Variants in SCUBE3 observed in about 807,000 individuals in gnomAD.
The protein encoded by SCUBE3 is signal peptide, CUB and EGF-like domain-containing protein 3.
SCUBE3 carries 33 observed loss-of-function variants against 116.8 expected under a neutral mutation model. The observed-to-expected ratio is 0.28, with a 90% CI of 0.21 to 0.38. The LOEUF is 0.38. Ranked by LOEUF, SCUBE3 falls within the 10% of genes least tolerant of loss-of-function variation. The probability of loss-of-function intolerance (pLI) is 1.00; values close to 1 mark genes in which losing one functional copy is unlikely to be tolerated. For synonymous variants in SCUBE3, 418 were observed against 496.9 expected, an observed-to-expected ratio of 0.84 and a Z score of 2.11; for missense variants, 1,007 against 1,324.8, an observed-to-expected ratio of 0.76 and a Z score of 3.72.
At chr6:35,222,802 C>T (rs1217366818) in intron 1 of SCUBE3, 1 of 152,250 alleles carries the variant, frequency 6.6e-6, no homozygotes, top group Non-Finnish European at 1.5e-5. Context: ...CCTGGTGCTG[C>T]ATTTCCCCAC....
Position 35,243,953 on chromosome 6 carries a change from T to C in SCUBE3, c.2072-10T>C. The C allele has an allele frequency of 6.2e-7, 1 of 1,612,638 alleles. No homozygotes were observed. The highest frequency in any genetic ancestry group is 8.5e-7 in the Non-Finnish European group (1 of 1,179,082). Reference sequence around the variant, plus strand: ...ATCCCCATCAGAGTTGGGCCCTTGATTCATTGCAGGTCAGTGCCCACCTGG... The same window carrying C: ...ATCCCCATCAGAGTTGGGCCCTTGACTCATTGCAGGTCAGTGCCCACCTGG... On this transcript the variant is annotated splice_polypyrimidine_tract_variant and intron_variant, in intron 16 of 21. Transcript: ENST00000274938. This position sits in a 1 kb window ranked among gnomAD's most constrained non-coding sequence, Gnocchi z 6.6.
At chr6:35,236,122 T>C (rs1783759852) in intron 6 of SCUBE3, among the ~76,000 whole-genome samples, 1 of 152,182 alleles carries the variant, frequency 6.6e-6, no homozygotes, top group Admixed American at 6.5e-5. Context: ...TCCTTAGGGT[T>C]GTAATGCTTG....
Position 35,242,750 on chromosome 6 carries a change from G to C in SCUBE3, c.1663G>C (p.Glu555Gln), listed in dbSNP as rs778262745. ...KEVTRLTLEL[E>Q]AEVRAEETTA... ...GGTCACAAGGCTCACCCTGGAACTG[G>C]AGGCAGAGGTCAGAGCCGAAGAAAC... Residue 555 changes from glutamate to glutamine, a missense_variant, in exon 14 of 22, where the codon GAG becomes CAG. Physicochemically the swap from Glu to Gln is conservative, Grantham distance 29. Around this residue, in one of 5 missense-constraint regions of SCUBE3, gnomAD observed 544 missense variants for 638.9 expected, o/e 0.85. Coordinates refer to ENST00000274938, the MANE Select transcript of SCUBE3 (RefSeq NM_152753.4). 1 of 1,614,046 alleles carries C rather than the reference G, an allele frequency of 6.2e-7. No homozygotes were observed.
At position 35,243,188 on chromosome 6, in the gene SCUBE3, C is replaced by T. The variant is rs1784154674; in HGVS notation, c.1861C>T (p.Pro621Ser). The T allele has an allele frequency of 1.2e-6, 2 of 1,614,164 alleles. No homozygotes were observed. The highest frequency in any genetic ancestry group is 1.7e-6 in the Non-Finnish European group (2 of 1,180,028). Residue 621 changes from proline to serine, a missense_variant, in exon 15 of 22, where the codon CCG becomes TCG. By Grantham distance (74) the Pro-to-Ser change is moderately conservative. Around this residue, in one of 5 missense-constraint regions of SCUBE3, gnomAD observed 544 missense variants for 638.9 expected, o/e 0.85. Coordinates refer to ENST00000274938, the MANE Select transcript of SCUBE3 (RefSeq NM_152753.4). This position sits in a 1 kb window ranked among gnomAD's most constrained non-coding sequence, Gnocchi z 6.6. The part of the protein sequence containing the change: ...PGLVAGERAE[P>S]MESCRPGQHR... ...CCTGGTAGCCGGGGAGCGAGCAGAG[C>T]CGATGGAGTCCTGTAGGCCCGGGCA...
rs1783552791 is a variant in SCUBE3 at position 35,231,651 on chromosome 6, G to A, written c.335-74G>A. On this transcript the variant is annotated intron_variant, in intron 3 of 21. Coordinates refer to ENST00000274938, the MANE Select transcript of SCUBE3 (RefSeq NM_152753.4). The surrounding 1 kb of genome is among the most constrained non-coding windows in gnomAD (Gnocchi z 4.2). Reference sequence around the variant, plus strand: ...GGTAGTAGTTCTTAAGACTGCCTTTGGTGCTGAAGTCTTGGGATATACCCT... The same window carrying A: ...GGTAGTAGTTCTTAAGACTGCCTTTAGTGCTGAAGTCTTGGGATATACCCT... The A allele has an allele frequency of 1.5e-6, 2 of 1,346,600 alleles. No individual in the cohort carries two copies. The highest frequency in any genetic ancestry group is 2.9e-5 in the African/African-American group (2 of 69,164). 83.4% of individuals were successfully genotyped at this position (1,346,600 alleles called of 1,614,324 possible).
rs1782784705 is a variant in SCUBE3 at position 35,214,077 on chromosome 6, G to A, written c.-342G>A. Among the ~76,000 whole-genome samples, 1 of 152,194 alleles carries A rather than the reference G, an allele frequency of 6.6e-6. No homozygotes were observed. The highest frequency in any genetic ancestry group is 2.4e-5 in the African/African-American group (1 of 41,464). ...CCGGCTGCAGCTCTCTCCCGGCGAAGCTGGGAATTGGGTGGGATTACACGG... is the reference window on the plus strand; with the variant it reads ...CCGGCTGCAGCTCTCTCCCGGCGAAACTGGGAATTGGGTGGGATTACACGG... On this transcript the variant is annotated 5_prime_UTR_variant, in exon 1 of 22. Transcript: ENST00000274938. This position sits in a 1 kb window ranked among gnomAD's most constrained non-coding sequence, Gnocchi z 6.3.
In SCUBE3 at chr6:35,250,408, C is replaced by T. The variant is rs562250666; in HGVS notation, c.*1703C>T. 11 of 152,236 alleles carry T rather than the reference C, an allele frequency of 7.2e-5. No homozygotes were observed. The East Asian group carries it at 1.5e-3, about 21-fold the overall frequency. 9.4% of individuals were successfully genotyped at this position (152,236 alleles called of 1,614,324 possible). On this transcript the variant is annotated 3_prime_UTR_variant, in exon 22 of 22. Transcript: ENST00000274938. Reference sequence around the variant, plus strand: ...CTGGGGATGGGCTGACTCAGGGTCCCGAGGCCAGAGACAAAGCTGTGGGAG... The same window carrying T: ...CTGGGGATGGGCTGACTCAGGGTCCTGAGGCCAGAGACAAAGCTGTGGGAG...
rs928218864 is a variant in SCUBE3 at position 35,232,160 on chromosome 6, C to T, written c.469+301C>T. On this transcript the variant is annotated intron_variant, in intron 4 of 21. Coordinates refer to ENST00000274938, the MANE Select transcript of SCUBE3 (RefSeq NM_152753.4). This position sits in a 1 kb window ranked among gnomAD's most constrained non-coding sequence, Gnocchi z 4.2. The stretch of plus-strand genomic sequence containing the variant: ...TTGTAGATGGCTGAGCTTCTCTAAG[C>T]TGCTGCCTATCTGAGAGGGCCTCAC... Among the ~76,000 whole-genome samples the T allele has an allele frequency of 2.0e-5, 3 of 152,180 alleles. No individual in the cohort carries two copies. Among genetic ancestry groups the T allele is most frequent in the African/African-American group, 7.2e-5 (3 of 41,442 alleles).
rs889858355 is a variant in SCUBE3 at position 35,214,532 on chromosome 6, G to T, written c.85+29G>T. On this transcript the variant is annotated intron_variant, in intron 1 of 21. Coordinates refer to ENST00000274938, the MANE Select transcript of SCUBE3 (RefSeq NM_152753.4). The surrounding 1 kb of genome is among the most constrained non-coding windows in gnomAD (Gnocchi z 6.3). ...AGGAAGGAGGGGCGCGCGGCCTGGG[G>T]GCTGTCCTGGCTGCTGGGCCTCAGG... 3.6e-6 allele frequency: 5 copies of T among 1,375,384 alleles called. No individual in the cohort carries two copies. The highest frequency in any genetic ancestry group is 4.8e-6 in the Non-Finnish European group (5 of 1,039,474). 85.2% of individuals were successfully genotyped at this position (1,375,384 alleles called of 1,614,324 possible).
Position 35,233,159 on chromosome 6 carries a change from C to A in SCUBE3, c.596-26C>A. ...GTGGATGCAGGGAGGAGCAAGCTGA[C>A]AGGGCCCTGTCCTCTCTGTGCACAG... On this transcript the variant is annotated intron_variant, in intron 5 of 21. Coordinates refer to ENST00000274938, the MANE Select transcript of SCUBE3 (RefSeq NM_152753.4). This position sits in a 1 kb window ranked among gnomAD's most constrained non-coding sequence, Gnocchi z 5.7. 1 of 1,568,716 alleles carries A rather than the reference C, an allele frequency of 6.4e-7. No homozygotes were observed.
In SCUBE3 at chr6:35,244,187, ACT is replaced by A; in HGVS notation, c.2239+61_2239+62del. ...CCCCAACCCCAACTACTCCCAAAAA[ACT>A]CTCCAATTTCCCAGAGGGGACACTG... On this transcript the variant is annotated intron_variant, in intron 17 of 21. Coordinates refer to ENST00000274938, the MANE Select transcript of SCUBE3 (RefSeq NM_152753.4). The surrounding 1 kb of genome is among the most constrained non-coding windows in gnomAD (Gnocchi z 4.3). 6.8e-6 allele frequency: 10 copies of A among 1,479,116 alleles called. No homozygotes were observed. The highest frequency in any genetic ancestry group is 9.2e-6 in the Non-Finnish European group (10 of 1,082,792). 91.6% of individuals were successfully genotyped at this position (1,479,116 alleles called of 1,614,324 possible). A position where few individuals can be genotyped will look rare whatever the true frequency, so the allele number is the denominator to read the frequency against.
At chr6:35,225,561 C>T (rs559821971) in intron 1 of SCUBE3, among the ~76,000 whole-genome samples, 1 of 152,122 alleles carries the variant, frequency 6.6e-6, no homozygotes, top group African/African-American at 2.4e-5. Context: ...TAAGTGTAGA[C>T]AGAGGCTCCC....
chr6:35,238,685 A>G (rs186787524), intron 7 of SCUBE3, among the ~76,000 whole-genome samples: 2 of 152,354 alleles, frequency 1.3e-5, no homozygotes, highest in East Asian at 3.9e-4. Context: ...CTGTTATTAC[A>G]GTATAGTTAC....
intron 7 of SCUBE3, among the ~76,000 whole-genome samples, chr6:35,238,721 C>T (rs965608465): frequency 6.6e-6 from 1 of 152,170 alleles, no homozygotes; most frequent in Non-Finnish European, 1.5e-5. Flanking sequence ...TGTTTCCCTT[C>T]CTTTTAATTA....
intron 1 of SCUBE3, among the ~76,000 whole-genome samples, chr6:35,218,887 G>A (rs1783024805): frequency 6.6e-6 from 1 of 152,152 alleles, no homozygotes; most frequent in South Asian, 2.1e-4. Context: ...CAAATGCAGA[G>A]CCTAAGGATT....
At chr6:35,248,016 G>A (rs758999042) in intron 21 of SCUBE3, among the ~76,000 whole-genome samples, 18 of 152,352 alleles carry the variant, frequency 1.2e-4, no homozygotes, top group Non-Finnish European at 2.4e-4. Flanking sequence ...TCAGCAGAGG[G>A]AGCAAGAGTG....
chr6:35,242,507 A>G, intron 13 of SCUBE3, 115 bp from the exon 14 acceptor site: 3 of 1,070,926 alleles, frequency 2.8e-6, no homozygotes, highest in Non-Finnish European at 4.2e-6. Flanking sequence ...TTAGGACCCT[A>G]GACTAAAACA....
At chr6:35,221,322 G>C (rs995839564) in intron 1 of SCUBE3, 26 of 152,190 alleles carry the variant, frequency 1.7e-4, no homozygotes, top group African/African-American at 6.0e-4. Flanking sequence ...ATGCCTTTAA[G>C]TGGGTACTAC....
chr6:35,227,525 CACCCCTT>C (rs1783376121), intron 1 of SCUBE3, 48 bp from the exon 2 acceptor site: 1 of 1,603,578 alleles, frequency 6.2e-7, no homozygotes, highest in African/African-American at 1.3e-5. Context: ...ACCTTCAAGA[CACCCCTT>C]AAGAGGTGCC....
Sources: gnomAD v4.1 joint callset for allele counts (sites outside exome capture counted in the v4.1 genomes callset) on GRCh38, gnomAD v4.1.1 for gene constraint, gnomAD v4.1.1 regional missense constraint, Gnocchi (gnomAD v3.1) non-coding constraint, MANE v1.5 for transcripts, NCBI Gene and HGNC (gene_info 2026-07-23, HGNC 2026-07-21) for gene names.